CNTNAP3: variants seen among roughly 807,000 people sequenced by gnomAD.
CNTNAP3 encodes the protein contactin associated protein family member 3.
In CNTNAP3, 36 loss-of-function variants were observed where a neutral mutation model predicts 92.1. The ratio of observed to expected loss-of-function variants is 0.39; its 90% CI spans 0.30 to 0.52. The LOEUF (loss-of-function observed/expected upper bound fraction) is 0.52. Ranked by LOEUF, CNTNAP3 falls within the 20% of genes least tolerant of loss-of-function variation. The probability of loss-of-function intolerance (pLI) is 0.76; values close to 1 mark genes in which losing one functional copy is unlikely to be tolerated. For missense variants in CNTNAP3, 534 were observed against 1,069.6 expected (o/e 0.50, Z 6.98); for synonymous variants, 232 against 422.3 (o/e 0.55, Z 5.53).
At position 39,118,130 on chromosome 9, in the gene CNTNAP3, C is replaced by G. The variant is rs1463831469; in HGVS notation, c.2210G>C (p.Cys737Ser). The G allele has an allele frequency of 6.2e-7, 1 of 1,609,620 alleles. No homozygotes were observed. The highest frequency in any genetic ancestry group is 1.7e-5 in the Admixed American group (1 of 59,808). The change falls in exon 14 of 24, where the codon TGC (cysteine) becomes TCC (serine). Residue 737 changes from cysteine (C) to serine (S), a missense_variant. Physicochemically the swap from Cys to Ser is moderately radical, Grantham distance 112. Coordinates refer to ENST00000297668, the MANE Select transcript of CNTNAP3 (RefSeq NM_033655.5). ...TTCATTCCGGCCAGCATCACAGTTGCAGTAATACTGAGAATCAATGCAGTT... is the reference window on the plus strand; with the variant it reads ...TTCATTCCGGCCAGCATCACAGTTGGAGTAATACTGAGAATCAATGCAGTT... ...EGNCIDSQYYCNCDAGRNEWT... is the reference protein window; with the variant it reads ...EGNCIDSQYYSNCDAGRNEWT...
intron 3 of CNTNAP3, among the ~76,000 whole-genome samples, chr9:39,202,083 C>G (rs985806053): frequency 0.016 from 83 of 5,186 alleles, 4 homozygotes; most frequent in Middle Eastern, 0.25. Flanking sequence ...TATGATTACA[C>G]CCCCAACCAA....
chr9:39,065,132 T>C lies in CNTNAP3; in HGVS notation c.*8758A>G, dbSNP rs1825482543. Among the ~76,000 whole-genome samples, 2 of 152,306 alleles carry C rather than the reference T, an allele frequency of 1.3e-5. No individual in the cohort carries two copies. Among genetic ancestry groups the C allele is most frequent in the Non-Finnish European group, 2.9e-5 (2 of 68,052 alleles). ...CATCACTCCAGAAACTTCCCTTGTGTTTCTCTGCAGTCAACTCCCATCCCA... is the reference window on the plus strand; with the variant it reads ...CATCACTCCAGAAACTTCCCTTGTGCTTCTCTGCAGTCAACTCCCATCCCA... On this transcript the variant is annotated 3_prime_UTR_variant, in exon 24 of 24. Coordinates refer to ENST00000297668, the MANE Select transcript of CNTNAP3 (RefSeq NM_033655.5).
rs1265287166 is a variant in CNTNAP3 at position 39,068,517 on chromosome 9, T to A, written c.*5373A>T. Among the ~76,000 whole-genome samples the A allele has an allele frequency of 6.6e-6, 1 of 152,302 alleles. No individual in the cohort carries two copies. The highest frequency in any genetic ancestry group is 1.5e-5 in the Non-Finnish European group (1 of 68,048). Reference sequence around the variant, plus strand: ...AAAGATTCCTTGAGGTCAATAATAATTTTTTAAAGGTTGATAAATGCCGCT... The same window carrying A: ...AAAGATTCCTTGAGGTCAATAATAAATTTTTAAAGGTTGATAAATGCCGCT... On this transcript the variant is annotated 3_prime_UTR_variant, in exon 24 of 24. Coordinates refer to ENST00000297668, the MANE Select transcript of CNTNAP3 (RefSeq NM_033655.5).
Position 39,118,112 on chromosome 9 carries a change from C to T in CNTNAP3, c.2228G>A (p.Arg743Gln), listed in dbSNP as rs776238976. ...SQYYCNCDAG[R>Q]NEWTSDTIVL... ...ATCATGTGGAAATCACCATTCATTC[C>T]GGCCAGCATCACAGTTGCAGTAATA... Residue 743 changes from arginine (R) to glutamine (Q), a missense_variant, in exon 14 of 24, where the codon CGG becomes CAG. Transcript: ENST00000297668. 3.2e-5 allele frequency: 52 copies of T among 1,604,574 alleles called. 1 individual carries two copies. Among genetic ancestry groups the T allele is most frequent in the Middle Eastern group, 2.3e-4 (1 of 4,424 alleles).
intron 14 of CNTNAP3, among the ~76,000 whole-genome samples, chr9:39,116,130 C>T (rs1011705655): frequency 1.5e-4 from 23 of 150,120 alleles, no homozygotes; most frequent in Admixed American, 1.3e-4. Context: ...CCAGCCTGGG[C>T]GACAGAGAGA....
At chr9:39,140,072 A>C (rs1406581700) in intron 12 of CNTNAP3, 1 of 156,098 alleles carries the variant, frequency 6.4e-6, no homozygotes, top group East Asian at 1.9e-4. Context: ...TAATATCTAA[A>C]GCACGAGAAA....
At chr9:39,140,339 C>T (rs1821544832) in intron 12 of CNTNAP3, among the ~76,000 whole-genome samples, 180 bp downstream of exon 12, 2 of 152,010 alleles carry the variant, frequency 1.3e-5, no homozygotes, top group African/African-American at 2.4e-5. Context: ...TCCTATAATC[C>T]AACCCAGGCA....
At chr9:39,116,931 T>G (rs1381814184) in intron 14 of CNTNAP3, among the ~76,000 whole-genome samples, 2 of 152,138 alleles carry the variant, frequency 1.3e-5, no homozygotes, top group African/African-American at 4.8e-5. Context: ...TTAGCTATTT[T>G]ATGTCCAAAT....
In CNTNAP3 at chr9:39,067,462, A is replaced by G. The variant is rs1174234003; in HGVS notation, c.*6428T>C. ...GCCCAGGCTGGAGTGCAATGGCGCA[A>G]TCTCGGCCCACTGCAAACTCTGCCT... On this transcript the variant is annotated 3_prime_UTR_variant, in exon 24 of 24. Coordinates refer to ENST00000297668, the MANE Select transcript of CNTNAP3 (RefSeq NM_033655.5). 2.6e-4 allele frequency among the ~76,000 whole-genome samples: 40 copies of G among 152,176 alleles called. No individual in the cohort carries two copies. Among genetic ancestry groups the G allele is most frequent in the African/African-American group, 8.9e-4 (37 of 41,364 alleles).
At chr9:39,139,573 A>T (rs111741766) in intron 12 of CNTNAP3, among the ~76,000 whole-genome samples, 1 of 152,286 alleles carries the variant, frequency 6.6e-6, no homozygotes, top group Admixed American at 6.5e-5. Context: ...GTCCAAATTT[A>T]TGAAACTTTT....
intron 14 of CNTNAP3, among the ~76,000 whole-genome samples, chr9:39,113,922 T>C (rs1366696147): frequency 6.6e-6 from 1 of 151,724 alleles, no homozygotes; most frequent in Non-Finnish European, 1.5e-5. Context: ...TCCACTGTTT[T>C]GGGTGTCAAT....
intron 14 of CNTNAP3, chr9:39,117,895 A>G (rs1456184892): frequency 1.7e-6 from 2 of 1,156,850 alleles, no homozygotes; most frequent in Non-Finnish European, 2.4e-6. Context: ...AAAACACATT[A>G]TATAGTATTC....
In CNTNAP3 at chr9:39,073,801, A is replaced by G. The variant is rs910781781; in HGVS notation, c.*89T>C. 6.3e-7 allele frequency: 1 copy of G among 1,596,398 alleles called. No homozygotes were observed. The highest frequency in any genetic ancestry group is 8.5e-7 in the Non-Finnish European group (1 of 1,179,776). On this transcript the variant is annotated 3_prime_UTR_variant, in exon 24 of 24. Coordinates refer to ENST00000297668, the MANE Select transcript of CNTNAP3 (RefSeq NM_033655.5). ...GGGAAGTCCACAGTCACGATGATAG[A>G]GACAGCCACAGCTGCCAATCAGAAG...
intron 12 of CNTNAP3, chr9:39,140,014 A>G (rs1267671456): frequency 6.5e-4 from 100 of 152,948 alleles, no homozygotes; most frequent in Middle Eastern, 3.4e-3. Flanking sequence ...CAAAGTGCTG[A>G]GATTACAGGC....
intron 14 of CNTNAP3, among the ~76,000 whole-genome samples, chr9:39,114,458 G>C: frequency 6.6e-6 from 1 of 152,056 alleles, no homozygotes; most frequent in Non-Finnish European, 1.5e-5. Context: ...GTTTATCTCA[G>C]CATTAGATAG....
Position 39,086,032 on chromosome 9 carries a change from A to T in CNTNAP3, c.3355-209T>A. ...CTATGATGCCATCAGCTACCACTCT[A>T]TCCACGATGTACCCACTTGCTGGCT... On this transcript the variant is annotated intron_variant, in intron 20 of 23. Transcript: ENST00000297668. 4.8e-6 allele frequency: 3 copies of T among 629,930 alleles called. No individual in the cohort carries two copies. In the South Asian group the frequency reaches 6.0e-5, roughly 13 times the overall value. The allele number at this position is 629,930 out of a possible 1,614,324, so 39.0% of individuals were successfully genotyped here. A position where few individuals can be genotyped will look rare whatever the true frequency, so the allele number is the denominator to read the frequency against.
intron 13 of CNTNAP3, among the ~76,000 whole-genome samples, chr9:39,130,018 G>A (rs1821239719): frequency 6.6e-6 from 1 of 152,130 alleles, no homozygotes; most frequent in Non-Finnish European, 1.5e-5. Flanking sequence ...ATGAGCATGT[G>A]GAGGAAATGA....
chr9:39,091,123 A>C (rs1375767615), intron 18 of CNTNAP3, among the ~76,000 whole-genome samples: 1 of 151,776 alleles, frequency 6.6e-6, no homozygotes, highest in Non-Finnish European at 1.5e-5. Context: ...TGTCATCCTC[A>C]AATAGAGATA....
At chr9:39,089,509 A>C (rs921074923) in intron 18 of CNTNAP3, among the ~76,000 whole-genome samples, 4 of 152,198 alleles carry the variant, frequency 2.6e-5, no homozygotes, top group African/African-American at 9.6e-5. Context: ...TATTATAAAT[A>C]ATGCTTCCAT....
Sources: allele counts gnomAD v4.1 joint callset (sites outside exome capture counted in the v4.1 genomes callset), GRCh38; gene constraint gnomAD v4.1.1; transcripts MANE v1.5; gene names NCBI Gene and HGNC (gene_info 2026-07-23, HGNC 2026-07-21).